Variants in RTN1 observed in about 807,000 individuals in gnomAD.
RTN1 encodes reticulon 1, also known as reticulon-1.
A neutral mutation model predicts 65.5 loss-of-function variants in RTN1; 25 were observed. The observed-to-expected ratio is 0.38, with a 90% CI of 0.28 to 0.53. The LOEUF is 0.53. Ranked by LOEUF, RTN1 falls within the 20% of genes least tolerant of loss-of-function variation. The pLI, the probability that RTN1 is intolerant of heterozygous loss-of-function variation, is 0.79. For synonymous variants in RTN1, 471 were observed against 447.6 expected (o/e 1.05, Z -0.66); for missense variants, 983 against 1,025.4 (o/e 0.96, Z 0.57).
intron 1 of RTN1, among the ~76,000 whole-genome samples, chr14:59,775,514 G>A (rs1311713432): frequency 3.3e-5 from 5 of 151,978 alleles, no homozygotes; most frequent in Non-Finnish European, 7.4e-5. Flanking sequence ...TATAAACTGC[G>A]TACCCTGTGT....
chr14:59,625,149 T>C (rs1265441147), intron 3 of RTN1, among the ~76,000 whole-genome samples: 1 of 152,162 alleles, frequency 6.6e-6, no homozygotes. Context: ...CTGGTAACTA[T>C]AATGGACGAT....
intron 3 of RTN1, among the ~76,000 whole-genome samples, chr14:59,611,942 C>A (rs1881964305): frequency 6.6e-6 from 1 of 152,138 alleles, no homozygotes; most frequent in South Asian, 2.1e-4. Flanking sequence ...ATTCCATGAG[C>A]CCCAAAGAAG....
intron 1 of RTN1, among the ~76,000 whole-genome samples, chr14:59,857,243 T>C (rs1887624811): frequency 6.6e-6 from 1 of 152,164 alleles, no homozygotes. Flanking sequence ...CTGTCCCTGG[T>C]CCTCTGTCCT....
chr14:59,782,452 A>T (rs1288869899), intron 1 of RTN1, among the ~76,000 whole-genome samples: 1 of 152,224 alleles, frequency 6.6e-6, no homozygotes, highest in East Asian at 1.9e-4. Flanking sequence ...AAAGTTGAAA[A>T]GTTTAAATAA....
chr14:59,695,896 T>C (rs1033362304), intron 3 of RTN1, among the ~76,000 whole-genome samples: 20 of 152,086 alleles, frequency 1.3e-4, no homozygotes, highest in Non-Finnish European at 2.1e-4. Flanking sequence ...TAACACTTTA[T>C]ATACTGTAGT....
chr14:59,851,616 T>G (rs1254364757), intron 1 of RTN1, among the ~76,000 whole-genome samples: 1 of 152,050 alleles, frequency 6.6e-6, no homozygotes, highest in Non-Finnish European at 1.5e-5. Context: ...TCCCAGCACT[T>G]TGGGAGGCCA....
chr14:59,651,049 T>C (rs1019569220), intron 3 of RTN1, among the ~76,000 whole-genome samples: 2 of 151,986 alleles, frequency 1.3e-5, no homozygotes, highest in Admixed American at 6.6e-5. Context: ...ATAATTCATA[T>C]GGAACCAAAA....
At chr14:59,666,962 C>CAAAAAAAAAA (rs146213616) in intron 3 of RTN1, among the ~76,000 whole-genome samples, 1 of 60,106 alleles carries the variant, frequency 1.7e-5, no homozygotes, top group African/African-American at 6.7e-5. Context: ...GCCGACCAAC[C>CAAAAAAAAAA]AAAAAAAAAA....
At chr14:59,773,860 G>T (rs903807423) in intron 1 of RTN1, among the ~76,000 whole-genome samples, 1 of 152,096 alleles carries the variant, frequency 6.6e-6, no homozygotes, top group East Asian at 1.9e-4. Context: ...GACAGAAAAA[G>T]AAATGAATAT....
intron 3 of RTN1, among the ~76,000 whole-genome samples, chr14:59,715,633 C>G (rs1384208692): frequency 6.6e-6 from 1 of 152,112 alleles, no homozygotes; most frequent in African/African-American, 2.4e-5. Context: ...CGAGACCAGC[C>G]TGGCCAAAAT....
chr14:59,607,200 A>G, intron 4 of RTN1, 85 bp downstream of exon 4: 2 of 1,185,016 alleles, frequency 1.7e-6, no homozygotes, highest in Non-Finnish European at 1.2e-6. Context: ...GAGAAACATG[A>G]CTCAAGTGCA....
intron 1 of RTN1, among the ~76,000 whole-genome samples, chr14:59,827,806 T>C (rs1372194361): frequency 6.6e-6 from 1 of 152,190 alleles, no homozygotes. Flanking sequence ...CCCTTTGTAG[T>C]CAAACTCTCC....
At chr14:59,855,167 A>G (rs1234065034) in intron 1 of RTN1, among the ~76,000 whole-genome samples, 1 of 152,186 alleles carries the variant, frequency 6.6e-6, no homozygotes, top group African/African-American at 2.4e-5. Flanking sequence ...ACATTTGAAA[A>G]AGGGAACATG....
intron 1 of RTN1, among the ~76,000 whole-genome samples, chr14:59,810,425 GAAGT>G (rs1886708590): frequency 6.6e-6 from 1 of 152,138 alleles, no homozygotes; most frequent in South Asian, 2.1e-4. Context: ...GCCTACTGTA[GAAGT>G]AATAGAGTTC....
chr14:59,863,095 A>T (rs1420628335), intron 1 of RTN1, among the ~76,000 whole-genome samples: 3 of 152,050 alleles, frequency 2.0e-5, no homozygotes, highest in African/African-American at 7.2e-5. Flanking sequence ...CTGCTTACTC[A>T]TTCAGAGACA....
At chr14:59,763,407 G>A (rs1199528481) in intron 1 of RTN1, among the ~76,000 whole-genome samples, 8 of 152,022 alleles carry the variant, frequency 5.3e-5, no homozygotes, top group Non-Finnish European at 8.8e-5. Context: ...TGCTCAGTCA[G>A]GAAACTACAT....
At chr14:59,865,048 T>C (rs2064993) in intron 1 of RTN1, among the ~76,000 whole-genome samples, 33,630 of 152,096 alleles carry the variant, frequency 0.22, 4,191 homozygotes, top group East Asian at 0.56. Context: ...AAGGGCTACA[T>C]ACATGTTGGT....
At chr14:59,850,077 G>A (rs149802384) in intron 1 of RTN1, among the ~76,000 whole-genome samples, 212 of 152,074 alleles carry the variant, frequency 1.4e-3, no homozygotes, top group African/African-American at 5.0e-3. Flanking sequence ...CTCTTCTCCT[G>A]TCTCTTCAGT....
intron 1 of RTN1, among the ~76,000 whole-genome samples, chr14:59,777,673 C>G (rs958557372): frequency 6.6e-6 from 1 of 152,056 alleles, no homozygotes; most frequent in Admixed American, 6.6e-5. Flanking sequence ...GATGTCCCTC[C>G]TTTCTTGGGG....
Sources: allele counts gnomAD v4.1 joint callset (sites outside exome capture counted in the v4.1 genomes callset), GRCh38; gene constraint gnomAD v4.1.1; transcripts MANE v1.5; gene names NCBI Gene and HGNC (gene_info 2026-07-23, HGNC 2026-07-21).